Variants in ACVR1C observed in about 807,000 individuals in gnomAD.
ACVR1C encodes activin A receptor type 1C.
Under a neutral mutation model 57.9 loss-of-function variants are expected in ACVR1C, and 23 were observed. That is an observed-to-expected ratio of 0.40 (90% CI 0.29 to 0.56). The LOEUF (loss-of-function observed/expected upper bound fraction) is 0.56, where lower values mean the gene tolerates loss of function less well. Among genes scored for constraint, ACVR1C ranks in the 20% least tolerant of loss-of-function variants. ACVR1C has a pLI of 0.50. For missense variants in ACVR1C, 480 were observed against 607.9 expected (o/e 0.79, Z 2.21); for synonymous variants, 214 against 215.3 (o/e 0.99, Z 0.05).
rs1194491602 is a variant in ACVR1C, at chr2:157,628,130, T to C, written c.73+442A>G. ...AAATCACCACCTCCCACCACCACCA[T>C]GCCACCATCCTTGAGCAGCTCTCAG... On this transcript the variant is annotated intron_variant, in intron 1 of 8. Transcript: ENST00000243349. Among the ~76,000 whole-genome samples the C allele has an allele frequency of 2.6e-5, 4 of 152,230 alleles. No individual in the cohort carries two copies. The East Asian group carries it at 5.8e-4, about 22-fold the overall frequency.
intron 1 of ACVR1C, among the ~76,000 whole-genome samples, chr2:157,591,702 C>T (rs367778937): frequency 1.3e-5 from 2 of 151,970 alleles, no homozygotes; most frequent in Non-Finnish European, 2.9e-5. Context: ...ACTGACACAA[C>T]TAACTAAGGA....
At chr2:157,626,863 A>C (rs1682906693) in intron 1 of ACVR1C, among the ~76,000 whole-genome samples, 1 of 152,204 alleles carries the variant, frequency 6.6e-6, no homozygotes, top group African/African-American at 2.4e-5. Context: ...CAATAAATAC[A>C]TCTCTACTAT....
chr2:157,581,566 A>G (rs1288091191), intron 2 of ACVR1C, among the ~76,000 whole-genome samples: 2 of 152,180 alleles, frequency 1.3e-5, no homozygotes, highest in Admixed American at 6.5e-5. Flanking sequence ...AGGCCCAACC[A>G]TAACAAATAG....
chr2:157,550,131 T>A (rs1687880359), intron 4 of ACVR1C, 31 bp downstream of exon 4: 1 of 1,601,926 alleles, frequency 6.2e-7, no homozygotes. Context: ...CAGCATTTTT[T>A]ACTTGTTGAA....
intron 2 of ACVR1C, 77 bp downstream of exon 2, chr2:157,587,110 A>G: frequency 1.6e-6 from 2 of 1,275,296 alleles, no homozygotes; most frequent in East Asian, 2.3e-5. Flanking sequence ...GAAACATAAG[A>G]CAGTTTGATT....
At chr2:157,556,727 G>A (rs1268745081) in intron 2 of ACVR1C, among the ~76,000 whole-genome samples, 3 of 142,918 alleles carry the variant, frequency 2.1e-5, no homozygotes, top group Non-Finnish European at 3.0e-5. Context: ...GCAGTGGTGC[G>A]ATCTGGGCTC....
At chr2:157,537,543 G>C (rs1181324784) in intron 8 of ACVR1C, among the ~76,000 whole-genome samples, 3 of 151,756 alleles carry the variant, frequency 2.0e-5, no homozygotes, top group Non-Finnish European at 4.4e-5. Flanking sequence ...AAAGGATTGA[G>C]AAACATGATT....
In ACVR1C at chr2:157,554,205, A is replaced by AGAG. The variant is rs1558974811; in HGVS notation, c.544+1887_544+1888insCTC. Among the ~76,000 whole-genome samples, 4 of 68,730 alleles carry AGAG rather than the reference A, an allele frequency of 5.8e-5. 1 individual carries two copies. Among genetic ancestry groups the AGAG allele is most frequent in the African/African-American group, 3.1e-4 (4 of 13,000 alleles). The allele number at this position is 68,730 out of a possible 152,430, so 45.1% of individuals were successfully genotyped here. A position where few individuals can be genotyped will look rare whatever the true frequency, so the allele number is the denominator to read the frequency against. ...AAAAAAAAAAAATAAAGAAGAGAGA[A>AGAG]AGAAAGAAAGAAAGAAAGAAAGAAA... is the stretch of plus-strand genomic sequence containing the variant. On this transcript the variant is annotated intron_variant, in intron 3 of 8. Coordinates refer to ENST00000243349, the MANE Select transcript of ACVR1C (RefSeq NM_145259.3).
At chr2:157,585,064 A>G (rs1356932287) in intron 2 of ACVR1C, among the ~76,000 whole-genome samples, 1 of 152,198 alleles carries the variant, frequency 6.6e-6, no homozygotes, top group East Asian at 1.9e-4. Flanking sequence ...GATAGAAAAT[A>G]GATCAGTGGT....
At chr2:157,602,176 C>A (rs1682294683) in intron 1 of ACVR1C, among the ~76,000 whole-genome samples, 1 of 152,108 alleles carries the variant, frequency 6.6e-6, no homozygotes, top group African/African-American at 2.4e-5. Flanking sequence ...GTAGATGTAA[C>A]TGGAACATTA....
rs897363428 is a variant in ACVR1C, at chr2:157,530,476, G to C, written c.*3442C>G. 6.6e-6 allele frequency: 1 copy of C among 151,992 alleles called. No homozygotes were observed. Among genetic ancestry groups the C allele is most frequent in the Non-Finnish European group, 1.5e-5 (1 of 67,966 alleles). 9.4% of individuals were successfully genotyped at this position (151,992 alleles called of 1,614,324 possible). On this transcript the variant is annotated 3_prime_UTR_variant, in exon 9 of 9. Transcript: ENST00000243349. ...TAAGTCACATGGTGGCAAAATTCCAGGAAAATAGGAGTAGTTTTGTTTTGT... is the reference window on the plus strand; with the variant it reads ...TAAGTCACATGGTGGCAAAATTCCACGAAAATAGGAGTAGTTTTGTTTTGT...
At chr2:157,551,855 A>C (rs1244423234) in intron 3 of ACVR1C, among the ~76,000 whole-genome samples, 1 of 152,208 alleles carries the variant, frequency 6.6e-6, no homozygotes, top group African/African-American at 2.4e-5. Context: ...ATATGGACAT[A>C]TAAGCACAGG....
chr2:157,546,885 T>C (rs1274681204), intron 4 of ACVR1C, among the ~76,000 whole-genome samples: 1 of 151,998 alleles, frequency 6.6e-6, no homozygotes, highest in Non-Finnish European at 1.5e-5. Context: ...GTTACATATG[T>C]AGACATGTGC....
chr2:157,604,872 T>TAA (rs2105143100), intron 1 of ACVR1C, among the ~76,000 whole-genome samples: 1 of 151,900 alleles, frequency 6.6e-6, no homozygotes, highest in Non-Finnish European at 1.5e-5. Context: ...AACAGCATCT[T>TAA]TCAAGGAACA....
intron 1 of ACVR1C, among the ~76,000 whole-genome samples, chr2:157,599,832 G>T (rs1682241528): frequency 1.3e-5 from 2 of 152,174 alleles, no homozygotes; most frequent in African/African-American, 4.8e-5. Context: ...ATGGAGAGGT[G>T]AACCTGTGTA....
intron 2 of ACVR1C, among the ~76,000 whole-genome samples, chr2:157,570,367 A>G (rs1391291692): frequency 2.5e-5 from 1 of 40,696 alleles, no homozygotes; most frequent in African/African-American, 1.4e-4. Flanking sequence ...TGGCCAGGGC[A>G]ATCAGGCAGG....
intron 2 of ACVR1C, among the ~76,000 whole-genome samples, chr2:157,576,203 CTTTTTTT>C (rs10628650): frequency 1.0e-5 from 1 of 97,918 alleles, no homozygotes; most frequent in East Asian, 2.7e-4. Context: ...ATAATCATTT[CTTTTTTT>C]TTTTTTTTTT....
chr2:157,549,993 A>G (rs1006716959), intron 4 of ACVR1C, among the ~76,000 whole-genome samples, 169 bp downstream of exon 4: 2 of 134,126 alleles, frequency 1.5e-5, no homozygotes, highest in African/African-American at 2.8e-5. Context: ...ACAGAGCCAG[A>G]TTACGTCTCA....
chr2:157,572,662 C>G (rs1044636461), intron 2 of ACVR1C, among the ~76,000 whole-genome samples: 1 of 152,150 alleles, frequency 6.6e-6, no homozygotes, highest in Non-Finnish European at 1.5e-5. Context: ...CCTATTACAT[C>G]TCTATGAACA....
Sources: allele counts gnomAD v4.1 joint callset (sites outside exome capture counted in the v4.1 genomes callset), GRCh38; gene constraint gnomAD v4.1.1; transcripts MANE v1.5; gene names NCBI Gene and HGNC (gene_info 2026-07-23, HGNC 2026-07-21).